Variants in MTF1 observed in about 807,000 individuals in gnomAD.
MTF1 encodes metal regulatory transcription factor 1.
In MTF1, 22 loss-of-function variants were observed where a neutral mutation model predicts 70.4. That is an observed-to-expected ratio of 0.31 (90% CI 0.22 to 0.45). MTF1 has a LOEUF of 0.45. MTF1 is among the 20% of genes least tolerant of loss of function. The pLI is 1.00. For synonymous variants in MTF1, 333 were observed against 352.8 expected (o/e 0.94, Z 0.63); for missense variants, 649 against 922.0 (o/e 0.70, Z 3.83).
intron 2 of MTF1, among the ~76,000 whole-genome samples, chr1:37,848,659 C>T (rs1190213870): frequency 6.6e-6 from 1 of 152,150 alleles, no homozygotes; most frequent in Non-Finnish European, 1.5e-5. Flanking sequence ...GGCCAGTGGA[C>T]CTGAGTGATG....
chr1:37,816,763 G>A (rs1640824978), intron 10 of MTF1, among the ~76,000 whole-genome samples: 2 of 152,124 alleles, frequency 1.3e-5, no homozygotes, highest in African/African-American at 2.4e-5. Context: ...TTGGGGGGCT[G>A]AGGCAAGAGG....
chr1:37,853,035 A>G (rs1244466526), intron 2 of MTF1, among the ~76,000 whole-genome samples: 4 of 152,206 alleles, frequency 2.6e-5, no homozygotes, highest in Non-Finnish European at 5.9e-5. Context: ...GATTCTTCCC[A>G]TGAACAAGGC....
intron 2 of MTF1, among the ~76,000 whole-genome samples, chr1:37,846,345 T>A (rs1641331679): frequency 6.8e-6 from 1 of 148,038 alleles, no homozygotes; most frequent in South Asian, 2.1e-4. Context: ...ATCCCCAACC[T>A]GAATTTAAAG....
At chr1:37,848,833 T>C (rs1646871023) in intron 2 of MTF1, among the ~76,000 whole-genome samples, 1 of 152,194 alleles carries the variant, frequency 6.6e-6, no homozygotes, top group South Asian at 2.1e-4. Flanking sequence ...AGAAATGTAA[T>C]CACAGTATGC....
At chr1:37,837,216 A>G (rs1569867444) in intron 4 of MTF1, among the ~76,000 whole-genome samples, 1 of 151,370 alleles carries the variant, frequency 6.6e-6, no homozygotes, top group East Asian at 1.9e-4. Context: ...ATGCGCCACC[A>G]CTCCCAACTA....
intron 1 of MTF1, 83 bp downstream of exon 1, chr1:37,859,448 T>C (rs778252415): frequency 3.4e-4 from 137 of 398,410 alleles, no homozygotes; most frequent in Non-Finnish European, 5.0e-4. Flanking sequence ...AGGTCTCTAT[T>C]GGGAAATGCT....
rs2148396260 is a variant in MTF1, at chr1:37,813,253, G to A, written c.*1883C>T. 1 of 152,098 alleles carries A rather than the reference G, an allele frequency of 6.6e-6. No individual in the cohort carries two copies. The highest frequency in any genetic ancestry group is 6.5e-5 in the Admixed American group (1 of 15,290). The allele number at this position is 152,098 out of a possible 1,614,324, so 9.4% of individuals were successfully genotyped here. ...GATTGCGCCACTGCACTCCAGCCAG[G>A]GCAACAAAAGCAAAACTCTGTCTCA... On this transcript the variant is annotated 3_prime_UTR_variant, in exon 11 of 11. Coordinates refer to ENST00000373036, the MANE Select transcript of MTF1 (RefSeq NM_005955.3).
chr1:37,815,570 CGA>C lies in MTF1; in HGVS notation c.1832-6_1832-5del, dbSNP rs1557584461. Reference sequence around the variant, plus strand: ...CCAATCTGCTGGACAGAGCTCCCTGCGAGAGAGGCAAGAGAGACTGCTCTTCA... The same window carrying C: ...CCAATCTGCTGGACAGAGCTCCCTGCGAGAGGCAAGAGAGACTGCTCTTCA... On this transcript the variant is annotated splice_region_variant and splice_polypyrimidine_tract_variant and intron_variant, in intron 10 of 10. Transcript: ENST00000373036. This position sits in a 1 kb window ranked among gnomAD's most constrained non-coding sequence, Gnocchi z 4.5. 2.0e-6 allele frequency: 3 copies of C among 1,523,254 alleles called. No homozygotes were observed. The highest frequency in any genetic ancestry group is 1.8e-6 in the Non-Finnish European group (2 of 1,138,266). The allele number at this position is 1,523,254 out of a possible 1,614,324, so 94.4% of individuals were successfully genotyped here. A position where few individuals can be genotyped will look rare whatever the true frequency, so the allele number is the denominator to read the frequency against.
intron 7 of MTF1, among the ~76,000 whole-genome samples, chr1:37,824,966 CTCT>C (rs1211891406): frequency 6.6e-6 from 1 of 152,162 alleles, no homozygotes; most frequent in African/African-American, 2.4e-5. Flanking sequence ...AAAACGAGCA[CTCT>C]TCACTTTAGT....
intron 2 of MTF1, among the ~76,000 whole-genome samples, chr1:37,849,922 C>T (rs1399787071): frequency 2.0e-5 from 3 of 152,100 alleles, no homozygotes; most frequent in East Asian, 1.9e-4. Flanking sequence ...AACAACAAGA[C>T]GCAGCTGCTT....
At chr1:37,855,148 A>G (rs1003804913) in intron 2 of MTF1, among the ~76,000 whole-genome samples, 1 of 152,192 alleles carries the variant, frequency 6.6e-6, no homozygotes, top group Non-Finnish European at 1.5e-5. Flanking sequence ...AAAATGTCAC[A>G]GAGGGACATT....
chr1:37,832,094 A>T (rs1436484880), intron 7 of MTF1, 151 bp downstream of exon 7: 15 of 597,184 alleles, frequency 2.5e-5, no homozygotes, highest in Admixed American at 3.3e-5. Context: ...TAGAACTCTT[A>T]TCAGAAGAAG....
At chr1:37,850,503 A>AG (rs200071437) in intron 2 of MTF1, among the ~76,000 whole-genome samples, 1,901 of 151,662 alleles carry the variant, frequency 0.013, 28 homozygotes, top group African/African-American at 0.034. Context: ...GAAAGGGAAA[A>AG]GAAGGAAGGA....
chr1:37,824,570 C>T (rs1257560235), intron 7 of MTF1, among the ~76,000 whole-genome samples: 4 of 151,908 alleles, frequency 2.6e-5, no homozygotes, highest in African/African-American at 9.7e-5. Flanking sequence ...TGGTGGCAGG[C>T]GCCTGTAATC....
chr1:37,855,030 G>C (rs1037844380), intron 2 of MTF1, among the ~76,000 whole-genome samples: 1 of 152,156 alleles, frequency 6.6e-6, no homozygotes, highest in Non-Finnish European at 1.5e-5. Flanking sequence ...CTGCACTCCA[G>C]CCTGGGCAAC....
At position 37,857,853 on chromosome 1, in the gene MTF1, A is replaced by C. The variant is rs1641523279; in HGVS notation, c.-51-144T>G. ...TCCTTGGGAATAATTTTTTTATTTTAACTTTAAAACCATCAAGTCATTTTT... is the reference window on the plus strand; with the variant it reads ...TCCTTGGGAATAATTTTTTTATTTTCACTTTAAAACCATCAAGTCATTTTT... On this transcript the variant is annotated intron_variant, in intron 1 of 10. Transcript: ENST00000373036. 8 of 597,366 alleles carry C rather than the reference A, an allele frequency of 1.3e-5. No individual in the cohort carries two copies. In the Admixed American group the frequency reaches 2.4e-4, roughly 18 times the overall value. 37.0% of individuals were successfully genotyped at this position (597,366 alleles called of 1,614,324 possible).
At chr1:37,835,634 T>TA (rs1349412574) in intron 5 of MTF1, 37 bp downstream of exon 5, 2 of 1,519,246 alleles carry the variant, frequency 1.3e-6, no homozygotes, top group Non-Finnish European at 1.8e-6. Context: ...AATTGATAGT[T>TA]ACAGGCTTGA....
intron 2 of MTF1, among the ~76,000 whole-genome samples, chr1:37,848,354 A>G (rs1213484569): frequency 6.6e-6 from 1 of 152,252 alleles, no homozygotes; most frequent in Non-Finnish European, 1.5e-5. Context: ...TCAATTTTAT[A>G]AAAAAGGAAA....
In MTF1 at chr1:37,832,597, C is replaced by T. The variant is rs565236927; in HGVS notation, c.991-275G>A. 5.9e-5 allele frequency among the ~76,000 whole-genome samples: 9 copies of T among 152,300 alleles called. No individual in the cohort carries two copies. The East Asian group carries it at 1.7e-3, about 29-fold the overall frequency. On this transcript the variant is annotated intron_variant, in intron 6 of 10. Coordinates refer to ENST00000373036, the MANE Select transcript of MTF1 (RefSeq NM_005955.3). ...GCTGCACCCATTAACTCATCATTTA[C>T]ATTAAGTATATCTCCTAATGCTATC...
Sources: allele counts gnomAD v4.1 joint callset (sites outside exome capture counted in the v4.1 genomes callset), GRCh38; gene constraint gnomAD v4.1.1; non-coding constraint Gnocchi (gnomAD v3.1); transcripts MANE v1.5; gene names NCBI Gene and HGNC (gene_info 2026-07-23, HGNC 2026-07-21).